EXOC2: variants seen among roughly 807,000 people sequenced by gnomAD.
EXOC2 encodes exocyst complex component 2, also known as SEC5-like 1.
In EXOC2, 70 loss-of-function variants were observed where a neutral mutation model predicts 131.8. The observed-to-expected ratio is 0.53, with a 90% CI of 0.44 to 0.65. The LOEUF (loss-of-function observed/expected upper bound fraction) is 0.65, where lower values mean the gene tolerates loss of function less well. Among genes scored for constraint, EXOC2 ranks in the 30% least tolerant of loss-of-function variants. EXOC2 has a pLI of 0.00. For missense variants in EXOC2, 923 were observed against 1,108.6 expected, an observed-to-expected ratio of 0.83 and a Z score of 2.38; for synonymous variants, 411 against 398.4, an observed-to-expected ratio of 1.03 and a Z score of -0.38.
At chr6:556,333 C>A in intron 18 of EXOC2, 151 bp downstream of exon 18, 1 of 823,006 alleles carries the variant, frequency 1.2e-6, no homozygotes, top group Non-Finnish European at 1.9e-6. Flanking sequence ...GGCTTGGAAT[C>A]GGAAATCAGC....
chr6:505,411 G>A (rs1226052375), intron 23 of EXOC2, among the ~76,000 whole-genome samples: 1 of 152,214 alleles, frequency 6.6e-6, no homozygotes, highest in South Asian at 2.1e-4. Flanking sequence ...ATTAGACTGG[G>A]CCTCAGACAC....
At chr6:504,108 A>G (rs1422732940) in intron 23 of EXOC2, among the ~76,000 whole-genome samples, 1 of 152,226 alleles carries the variant, frequency 6.6e-6, no homozygotes, top group Admixed American at 6.5e-5. Flanking sequence ...CAAAAGCAGT[A>G]GCCACGTGCT....
At chr6:501,291 ATATATC>A (rs1481356060) in intron 23 of EXOC2, among the ~76,000 whole-genome samples, 4 of 8,032 alleles carry the variant, frequency 5.0e-4, no homozygotes, top group Non-Finnish European at 1.1e-3. Context: ...TATATATTAT[ATATATC>A]TATATATTAT....
intron 22 of EXOC2, among the ~76,000 whole-genome samples, chr6:537,436 CCGA>C (rs1766531263): frequency 6.6e-6 from 1 of 150,850 alleles, no homozygotes; most frequent in South Asian, 2.1e-4. Flanking sequence ...GAGGTGACGG[CCGA>C]CGGAGCGTAC....
chr6:583,305 GA>G (rs1340119115), intron 11 of EXOC2, among the ~76,000 whole-genome samples: 1 of 152,132 alleles, frequency 6.6e-6, no homozygotes, highest in African/African-American at 2.4e-5. Context: ...GACAAGTTTA[GA>G]CATGAAATGA....
At chr6:500,248 T>C (rs909421190) in intron 23 of EXOC2, among the ~76,000 whole-genome samples, 4 of 152,202 alleles carry the variant, frequency 2.6e-5, no homozygotes, top group African/African-American at 9.6e-5. Flanking sequence ...ATTTTTGTCT[T>C]AAGGAATCAC....
rs1325621791 is a variant in EXOC2, at chr6:604,401, CTGCTGACCTGGCTTAACA to C, written c.743-5194_743-5177del. ...CTTTATTCCATTACTACACACATTACTGCTGACCTGGCTTAACATGCCTACCGTCCACTTCTGGCTGCT... is the reference window on the plus strand; with the variant it reads ...CTTTATTCCATTACTACACACATTACTGCCTACCGTCCACTTCTGGCTGCT... On this transcript the variant is annotated intron_variant, in intron 7 of 27. Transcript: ENST00000230449. Among the ~76,000 whole-genome samples the C allele has an allele frequency of 3.3e-5, 5 of 152,196 alleles. No homozygotes were observed. In the South Asian group the frequency reaches 6.2e-4, roughly 19 times the overall value.
At chr6:563,906 T>G (rs1184403424) in intron 16 of EXOC2, 127 bp downstream of exon 16, 1 of 1,321,616 alleles carries the variant, frequency 7.6e-7, no homozygotes, top group African/African-American at 1.5e-5. Context: ...AGAAATAAGA[T>G]GAACTAATAT....
At chr6:624,586 T>A (rs1581579927) in intron 4 of EXOC2, among the ~76,000 whole-genome samples, 2 of 152,338 alleles carry the variant, frequency 1.3e-5, no homozygotes, top group East Asian at 3.9e-4. Context: ...AAATGGCCTC[T>A]GAGAGGTTAT....
At chr6:515,675 G>A (rs544802464) in intron 23 of EXOC2, among the ~76,000 whole-genome samples, 1 of 149,716 alleles carries the variant, frequency 6.7e-6, no homozygotes, top group African/African-American at 2.5e-5. Context: ...AGGAGGGAGC[G>A]AGAAGCCAGA....
chr6:590,124 A>C (rs1759459766), intron 11 of EXOC2, among the ~76,000 whole-genome samples: 1 of 151,964 alleles, frequency 6.6e-6, no homozygotes, highest in South Asian at 2.1e-4. Context: ...GGAAAAAAAA[A>C]AAAAAAATCC....
intron 1 of EXOC2, among the ~76,000 whole-genome samples, chr6:660,846 A>T (rs1763395322): frequency 6.6e-6 from 1 of 152,250 alleles, no homozygotes; most frequent in African/African-American, 2.4e-5. Context: ...TTAGTTATTA[A>T]GCTAATCAAG....
At chr6:598,224 G>C (rs1759928925) in intron 9 of EXOC2, 101 bp from the exon 10 acceptor site, 5 of 804,660 alleles carry the variant, frequency 6.2e-6, no homozygotes, top group Non-Finnish European at 1.0e-5. Flanking sequence ...TGAGGGCTAA[G>C]AGGCACCAGG....
chr6:567,319 T>A (rs545135282), intron 13 of EXOC2, among the ~76,000 whole-genome samples: 12 of 151,794 alleles, frequency 7.9e-5, no homozygotes, highest in Admixed American at 3.9e-4. Flanking sequence ...CTTCCCCCCA[T>A]CCTCTGTGTG....
chr6:498,487 A>G (rs1430561258), intron 24 of EXOC2, among the ~76,000 whole-genome samples: 1 of 152,246 alleles, frequency 6.6e-6, no homozygotes, highest in Non-Finnish European at 1.5e-5. Context: ...AATTAAAAAT[A>G]TTGCTCCTTA....
chr6:600,054 T>C (rs1760046667), intron 7 of EXOC2, among the ~76,000 whole-genome samples: 1 of 152,208 alleles, frequency 6.6e-6, no homozygotes, highest in South Asian at 2.1e-4. Context: ...AAAAAGTTTC[T>C]GCATTATCTG....
intron 6 of EXOC2, among the ~76,000 whole-genome samples, chr6:611,335 G>T (rs560130451): frequency 6.6e-6 from 1 of 152,160 alleles, no homozygotes; most frequent in Non-Finnish European, 1.5e-5. Context: ...CAGCTGCACC[G>T]AGTGGGCACC....
chr6:542,956 G>A (rs1581401340), intron 22 of EXOC2, among the ~76,000 whole-genome samples: 1 of 151,972 alleles, frequency 6.6e-6, no homozygotes, highest in East Asian at 1.9e-4. Context: ...GGAGGAGGAA[G>A]AACAAGAGGA....
In EXOC2 at chr6:519,140, C is replaced by T. The variant is rs1384869383; in HGVS notation, c.2380+13329G>A. On this transcript the variant is annotated intron_variant, in intron 23 of 27. Transcript: ENST00000230449. ...AAAACCACCACCCACCGAGCGCCGA[C>T]ACTCACCGTCCACACTCGGAGACGA... 2.6e-5 allele frequency among the ~76,000 whole-genome samples: 3 copies of T among 117,202 alleles called. 1 individual carries two copies. The highest frequency in any genetic ancestry group is 3.6e-5 in the African/African-American group (1 of 27,948). 76.9% of individuals were successfully genotyped at this position (117,202 alleles called of 152,430 possible). A position where few individuals can be genotyped will look rare whatever the true frequency, so the allele number is the denominator to read the frequency against.
Sources: gnomAD v4.1 joint callset for allele counts (sites outside exome capture counted in the v4.1 genomes callset) on GRCh38, gnomAD v4.1.1 for gene constraint, MANE v1.5 for transcripts, NCBI Gene and HGNC (gene_info 2026-07-23, HGNC 2026-07-21) for gene names.